The following TMEM68 variants were observed in gnomAD, a reference collection of about 807,000 sequenced individuals.
TMEM68 encodes transmembrane protein 68.
In TMEM68, 25 loss-of-function variants were observed where a neutral mutation model predicts 36.9. The observed-to-expected ratio is 0.68, with a 90% CI of 0.49 to 0.95. The LOEUF (loss-of-function observed/expected upper bound fraction) is 0.95. Ranked by LOEUF, TMEM68 falls within the 40% of genes least tolerant of loss-of-function variation. The probability of loss-of-function intolerance (pLI) is 0.00; values close to 1 mark genes in which losing one functional copy is unlikely to be tolerated. For missense variants in TMEM68, 333 were observed against 392.0 expected, an observed-to-expected ratio of 0.85 and a Z score of 1.27; for synonymous variants, 131 against 124.4, an observed-to-expected ratio of 1.05 and a Z score of -0.35.
At chr8:55,763,066 AG>A in intron 2 of TMEM68, 38 bp from the exon 3 acceptor site, 1 of 1,240,018 alleles carries the variant, frequency 8.1e-7, no homozygotes, top group Non-Finnish European at 1.1e-6. Context: ...TTTTCTCCAC[AG>A]CTATAAAGTT....
intron 4 of TMEM68, among the ~76,000 whole-genome samples, chr8:55,753,978 G>GCTA (rs1810494550): frequency 6.6e-6 from 1 of 151,424 alleles, no homozygotes; most frequent in South Asian, 2.1e-4. Context: ...AGTAATCCCA[G>GCTA]CTACTAGGGA....
At chr8:55,763,099 T>C (rs1810851685) in intron 2 of TMEM68, 71 bp from the exon 3 acceptor site, 3 of 896,812 alleles carry the variant, frequency 3.3e-6, no homozygotes, top group East Asian at 5.5e-5. Flanking sequence ...TCTACTTAAA[T>C]AGCATATAGA....
intron 4 of TMEM68, among the ~76,000 whole-genome samples, chr8:55,752,865 A>G (rs1745714888): frequency 6.6e-6 from 1 of 151,662 alleles, no homozygotes; most frequent in African/African-American, 2.4e-5. Flanking sequence ...CTGAGACTCC[A>G]GGCACTGTGC....
rs1453932476 is a variant in TMEM68 at position 55,754,967 on chromosome 8, AC to A, written c.493+1276del. Among the ~76,000 whole-genome samples, 29 of 141,586 alleles carry A rather than the reference AC, an allele frequency of 2.0e-4. 1 individual carries two copies. Among genetic ancestry groups the A allele is most frequent in the Admixed American group, 6.1e-4 (8 of 13,012 alleles). The allele number at this position is 141,586 out of a possible 152,430, so 92.9% of individuals were successfully genotyped here. A position where few individuals can be genotyped will look rare whatever the true frequency, so the allele number is the denominator to read the frequency against. Reference sequence around the variant, plus strand: ...TATACACACACACACACACACACACACACACACACATAGCCTTTATAAACAG... The same window carrying A: ...TATACACACACACACACACACACACAACACACACATAGCCTTTATAAACAG... On this transcript the variant is annotated intron_variant, in intron 4 of 7. Coordinates refer to ENST00000434581, the MANE Select transcript of TMEM68 (RefSeq NM_001286657.2).
intron 4 of TMEM68, among the ~76,000 whole-genome samples, chr8:55,752,211 GA>G (rs918544738): frequency 1.4e-5 from 2 of 147,654 alleles, no homozygotes; most frequent in Non-Finnish European, 3.0e-5. Flanking sequence ...CTGTCTCAAA[GA>G]AAAAAAACAA....
At chr8:55,744,787 A>G (rs1226936757) in intron 6 of TMEM68, among the ~76,000 whole-genome samples, 1 of 152,222 alleles carries the variant, frequency 6.6e-6, no homozygotes, top group East Asian at 1.9e-4. Flanking sequence ...CCTTGTCACC[A>G]TGGTTTAAAA....
At chr8:55,764,023 A>G (rs1289303191) in intron 1 of TMEM68, 43 bp from the exon 2 acceptor site, 1 of 151,750 alleles carries the variant, frequency 6.6e-6, no homozygotes, top group Non-Finnish European at 1.5e-5. Context: ...AATTACTAAG[A>G]AAAAAAAAGA....
At chr8:55,758,429 C>G (rs1250702148) in intron 3 of TMEM68, among the ~76,000 whole-genome samples, 1 of 152,056 alleles carries the variant, frequency 6.6e-6, no homozygotes, top group Admixed American at 6.6e-5. Context: ...CATAAAATAG[C>G]AAGAAAAAAA....
intron 4 of TMEM68, among the ~76,000 whole-genome samples, chr8:55,755,103 A>G (rs1018957177): frequency 1.1e-4 from 17 of 150,564 alleles, no homozygotes; most frequent in African/African-American, 3.9e-4. Context: ...ATTTGAGACC[A>G]GCCTGGGCAA....
At chr8:55,743,409 T>A in intron 7 of TMEM68, 72 bp downstream of exon 7, 1 of 1,462,322 alleles carries the variant, frequency 6.8e-7, no homozygotes, top group South Asian at 1.4e-5. Flanking sequence ...TAAAAATAAA[T>A]CAATGAGATT....
intron 4 of TMEM68, among the ~76,000 whole-genome samples, chr8:55,752,497 A>G (rs909525554): frequency 6.6e-6 from 1 of 152,072 alleles, no homozygotes; most frequent in African/African-American, 2.4e-5. Context: ...TGAGGCAGGG[A>G]GAATTGCTTT....
intron 7 of TMEM68, 52 bp from the exon 8 acceptor site, chr8:55,740,270 G>A: frequency 4.5e-6 from 6 of 1,326,062 alleles, no homozygotes; most frequent in Non-Finnish European, 5.4e-6. Flanking sequence ...AATATAGACT[G>A]ATTTATCTCC....
intron 1 of TMEM68, among the ~76,000 whole-genome samples, chr8:55,771,632 AT>A (rs1236606058): frequency 6.6e-6 from 1 of 152,176 alleles, no homozygotes; most frequent in African/African-American, 2.4e-5. Flanking sequence ...AAATAAATAA[AT>A]AAATAAATAA....
Position 55,766,210 on chromosome 8 carries a change from G to A in TMEM68, c.-114-2230C>T, listed in dbSNP as rs79029987. 3.7e-3 allele frequency among the ~76,000 whole-genome samples: 12 copies of A among 3,214 alleles called. 1 individual carries two copies. The highest frequency in any genetic ancestry group is 0.024 in the Admixed American group (6 of 250). 2.1% of individuals were successfully genotyped at this position (3,214 alleles called of 152,430 possible). A position where few individuals can be genotyped will look rare whatever the true frequency, so the allele number is the denominator to read the frequency against. ...GATATTTTTCAGCAGAAACCTGAGG[G>A]AGGAAGGAAGGAAGCAAACTTCCTA... On this transcript the variant is annotated intron_variant, in intron 1 of 7. Transcript: ENST00000434581.
intron 6 of TMEM68, 77 bp downstream of exon 6, chr8:55,744,984 G>C: frequency 2.2e-6 from 2 of 906,270 alleles, no homozygotes; most frequent in Non-Finnish European, 3.1e-6. Flanking sequence ...AATTCAAAAG[G>C]TTTCCTTGTA....
chr8:55,759,959 GAAGA>G (rs1207622980), intron 3 of TMEM68, among the ~76,000 whole-genome samples: 1 of 152,238 alleles, frequency 6.6e-6, no homozygotes, highest in Non-Finnish European at 1.5e-5. Context: ...TCTGTAAACA[GAAGA>G]AAGGGTTTCA....
chr8:55,744,917 C>G (rs1810224692), intron 6 of TMEM68, 144 bp downstream of exon 6: 1 of 482,736 alleles, frequency 2.1e-6, no homozygotes, highest in Non-Finnish European at 3.5e-6. Flanking sequence ...AACTAGTTAT[C>G]ATTTGGACTT....
chr8:55,747,965 C>A (rs1054974652), intron 5 of TMEM68: 2 of 152,100 alleles, frequency 1.3e-5, no homozygotes, highest in Non-Finnish European at 2.9e-5. Flanking sequence ...TAAAGACTTT[C>A]CTGTTGAAAT....
chr8:55,768,677 C>T (rs1811051283), intron 1 of TMEM68, among the ~76,000 whole-genome samples: 1 of 151,928 alleles, frequency 6.6e-6, no homozygotes, highest in Non-Finnish European at 1.5e-5. Context: ...GAAACCCCAT[C>T]TCTACTAAAA....
Sources: allele counts gnomAD v4.1 joint callset (sites outside exome capture counted in the v4.1 genomes callset), GRCh38; gene constraint gnomAD v4.1.1; transcripts MANE v1.5; gene names NCBI Gene and HGNC (gene_info 2026-07-23, HGNC 2026-07-21).